The following TBL1XR1 variants were observed in gnomAD, a reference collection of about 807,000 sequenced individuals.
TBL1XR1 encodes the protein TBL1X/Y related 1.
Under a neutral mutation model 66.9 loss-of-function variants are expected in TBL1XR1, and 5 were observed. That is an observed-to-expected ratio of 0.07 (90% CI 0.04 to 0.16). The LOEUF is 0.16. TBL1XR1 is among the 10% of genes least tolerant of loss of function. The pLI is 1.00. For synonymous variants in TBL1XR1, 210 were observed against 206.0 expected, an observed-to-expected ratio of 1.02 and a Z score of -0.17; for missense variants, 238 against 623.2, an observed-to-expected ratio of 0.38 and a Z score of 6.58.
intron 1 of TBL1XR1, among the ~76,000 whole-genome samples, chr3:177,194,535 T>C (rs530894978): frequency 1.3e-5 from 2 of 152,304 alleles, no homozygotes; most frequent in South Asian, 2.1e-4. Flanking sequence ...AGGAATTCTT[T>C]ATAATAGTAC....
chr3:177,082,873 AGCC>A (rs906254659), intron 2 of TBL1XR1, among the ~76,000 whole-genome samples: 11 of 149,552 alleles, frequency 7.4e-5, no homozygotes, highest in African/African-American at 2.7e-4. Context: ...CTCCTGCCTC[AGCC>A]TCTGGAGTAG....
intron 1 of TBL1XR1, among the ~76,000 whole-genome samples, chr3:177,192,092 CAA>C (rs34461843): frequency 5.9e-4 from 38 of 64,520 alleles, no homozygotes; most frequent in Non-Finnish European, 6.4e-4. Context: ...GACTCTGTCT[CAA>C]AAAAAAAAAA....
At chr3:177,170,504 T>C (rs958312815) in intron 1 of TBL1XR1, among the ~76,000 whole-genome samples, 2 of 152,220 alleles carry the variant, frequency 1.3e-5, no homozygotes, top group African/African-American at 4.8e-5. Flanking sequence ...GCCTGTATTA[T>C]GCTTACCTGG....
intron 1 of TBL1XR1, among the ~76,000 whole-genome samples, chr3:177,174,378 C>T (rs1016120773): frequency 7.8e-6 from 1 of 129,032 alleles, no homozygotes; most frequent in Non-Finnish European, 1.6e-5. Flanking sequence ...CACTGCACTC[C>T]GGCCTGGGTG....
intron 1 of TBL1XR1, chr3:177,131,475 A>G: frequency 1.2e-6 from 1 of 831,220 alleles, no homozygotes; most frequent in Non-Finnish European, 1.5e-6. Context: ...ACAAAAAAAA[A>G]CTAAATTAAA....
At chr3:177,150,568 G>C (rs997597918) in intron 1 of TBL1XR1, among the ~76,000 whole-genome samples, 2 of 152,176 alleles carry the variant, frequency 1.3e-5, no homozygotes, top group African/African-American at 4.8e-5. Context: ...ATGTCTCTTT[G>C]AAGTCCTCAG....
intron 1 of TBL1XR1, among the ~76,000 whole-genome samples, chr3:177,120,252 G>A (rs577264665): frequency 2.0e-5 from 3 of 151,980 alleles, no homozygotes; most frequent in African/African-American, 7.2e-5. Context: ...TCTAGAGGCT[G>A]TCTACCTTTC....
chr3:177,076,959 G>A (rs1275942686), intron 2 of TBL1XR1, among the ~76,000 whole-genome samples: 1 of 152,182 alleles, frequency 6.6e-6, no homozygotes, highest in Non-Finnish European at 1.5e-5. Flanking sequence ...AGATTTAAGA[G>A]ACATTACAAG....
chr3:177,197,268 G>A lies in TBL1XR1; in HGVS notation c.-269C>T, dbSNP rs896621632. The A allele has an allele frequency of 5.0e-4, 75 of 151,214 alleles. No individual in the cohort carries two copies. The highest frequency in any genetic ancestry group is 1.6e-3 in the African/African-American group (68 of 41,368). 9.4% of individuals were successfully genotyped at this position (151,214 alleles called of 1,614,324 possible). A position where few individuals can be genotyped will look rare whatever the true frequency, so the allele number is the denominator to read the frequency against. The stretch of plus-strand genomic sequence containing the variant: ...AGAGGCAATTATAACCCCAGCGAGC[G>A]GAGGGCGCGGGGGATGGGCGCCGGG... On this transcript the variant is annotated 5_prime_UTR_variant, in exon 1 of 16. Coordinates refer to ENST00000457928, the MANE Select transcript of TBL1XR1 (RefSeq NM_024665.7).
intron 4 of TBL1XR1, 26 bp downstream of exon 4, chr3:177,053,747 C>A: frequency 6.3e-7 from 1 of 1,598,982 alleles, no homozygotes; most frequent in South Asian, 1.1e-5. Flanking sequence ...TGAAAAAAAT[C>A]AGTATTTGAA....
chr3:177,112,115 T>A lies in TBL1XR1; in HGVS notation c.-121-13574A>T, dbSNP rs1321047291. On this transcript the variant is annotated intron_variant, in intron 1 of 15. Coordinates refer to ENST00000457928, the MANE Select transcript of TBL1XR1 (RefSeq NM_024665.7). The stretch of plus-strand genomic sequence containing the variant: ...TATATATATATATATATATTTTTTT[T>A]TTTTTTTTTTGTGAGGGGCTCTGAC... Among the ~76,000 whole-genome samples, 42 of 78,912 alleles carry A rather than the reference T, an allele frequency of 5.3e-4. 1 individual carries two copies. Among genetic ancestry groups the A allele is most frequent in the Non-Finnish European group, 8.6e-4 (32 of 37,068 alleles). The allele number at this position is 78,912 out of a possible 152,430, so 51.8% of individuals were successfully genotyped here. A position where few individuals can be genotyped will look rare whatever the true frequency, so the allele number is the denominator to read the frequency against.
intron 1 of TBL1XR1, among the ~76,000 whole-genome samples, chr3:177,191,058 G>A (rs1357610156): frequency 6.6e-6 from 1 of 152,164 alleles, no homozygotes; most frequent in Non-Finnish European, 1.5e-5. Context: ...ACAACAGCAT[G>A]CACAAAAGCA....
chr3:177,132,092 C>A (rs987414538), intron 1 of TBL1XR1, among the ~76,000 whole-genome samples: 1 of 152,190 alleles, frequency 6.6e-6, no homozygotes, highest in Non-Finnish European at 1.5e-5. Context: ...TATGGCCTGT[C>A]TGTACCGGCT....
intron 3 of TBL1XR1, among the ~76,000 whole-genome samples, chr3:177,054,294 G>C (rs1012564983): frequency 8.0e-5 from 7 of 86,974 alleles, no homozygotes; most frequent in African/African-American, 3.3e-4. Context: ...ATCAGGCCAA[G>C]ACAGATTAAG....
intron 3 of TBL1XR1, among the ~76,000 whole-genome samples, chr3:177,057,463 A>G (rs190859101): frequency 2.6e-5 from 4 of 152,328 alleles, no homozygotes; most frequent in Non-Finnish European, 4.4e-5. Context: ...AGTACTCAAT[A>G]AACATTTTTT....
intron 1 of TBL1XR1, among the ~76,000 whole-genome samples, chr3:177,138,353 G>A (rs1336830735): frequency 6.6e-6 from 1 of 152,168 alleles, no homozygotes; most frequent in Non-Finnish European, 1.5e-5. Context: ...TCGGCATTTT[G>A]AGAGGCCGAG....
chr3:177,062,863 C>T (rs1438735430), intron 3 of TBL1XR1, among the ~76,000 whole-genome samples: 2 of 151,744 alleles, frequency 1.3e-5, no homozygotes, highest in African/African-American at 2.4e-5. Context: ...ACTTTTGGGC[C>T]GGGTGTAATG....
intron 12 of TBL1XR1, among the ~76,000 whole-genome samples, chr3:177,036,510 C>T (rs556105398): frequency 6.6e-6 from 1 of 152,320 alleles, no homozygotes; most frequent in East Asian, 1.9e-4. Context: ...TAACCTCTCT[C>T]CAGCTTCAAC....
intron 1 of TBL1XR1, among the ~76,000 whole-genome samples, chr3:177,187,943 C>CTTTTTTTTTT (rs571361204): frequency 6.4e-5 from 5 of 77,836 alleles, no homozygotes; most frequent in African/African-American, 2.0e-4. Context: ...GTACAATTTC[C>CTTTTTTTTTT]TTTTTTTTTT....
Sources: gnomAD v4.1 joint callset for allele counts (sites outside exome capture counted in the v4.1 genomes callset) on GRCh38, gnomAD v4.1.1 for gene constraint, MANE v1.5 for transcripts, NCBI Gene and HGNC (gene_info 2026-07-23, HGNC 2026-07-21) for gene names.